Variants in PRR5L observed in about 807,000 individuals in gnomAD.
PRR5L encodes the protein proline rich 5 like.
Under a neutral mutation model 36.4 loss-of-function variants are expected in PRR5L, and 21 were observed. The observed-to-expected ratio is 0.58, with a 90% CI of 0.41 to 0.83. The LOEUF is 0.83. Ranked by LOEUF, PRR5L falls within the 40% of genes least tolerant of loss-of-function variation. The pLI is 0.00. For synonymous variants in PRR5L, 188 were observed against 197.0 expected (o/e 0.95, Z 0.38); for missense variants, 381 against 473.3 (o/e 0.80, Z 1.81).
At chr11:36,367,822 C>T (rs918785150) in intron 1 of PRR5L, among the ~76,000 whole-genome samples, 4 of 150,764 alleles carry the variant, frequency 2.7e-5, no homozygotes, top group Admixed American at 1.3e-4. Context: ...ATGAGGTAAA[C>T]AAAAAAAGGG....
At chr11:36,337,495 A>G (rs1171350908) in intron 1 of PRR5L, among the ~76,000 whole-genome samples, 1 of 152,244 alleles carries the variant, frequency 6.6e-6, no homozygotes, top group Non-Finnish European at 1.5e-5. Flanking sequence ...ATTCTGTTAC[A>G]GCATTCCAAA....
intron 3 of PRR5L, among the ~76,000 whole-genome samples, chr11:36,411,469 C>G (rs1299761591): frequency 6.6e-6 from 1 of 152,048 alleles, no homozygotes; most frequent in African/African-American, 2.4e-5. Context: ...CATTTTTTCC[C>G]CCTGTTATGG....
intron 1 of PRR5L, among the ~76,000 whole-genome samples, chr11:36,345,251 C>G (rs1856853251): frequency 6.6e-6 from 1 of 152,010 alleles, no homozygotes; most frequent in Admixed American, 6.5e-5. Flanking sequence ...CCAAGGAAGT[C>G]CTTTGGAACA....
intron 4 of PRR5L, among the ~76,000 whole-genome samples, chr11:36,426,323 TCTTTGTTAGAACACTTA>T (rs1270351269): frequency 1.3e-5 from 2 of 149,464 alleles, no homozygotes; most frequent in African/African-American, 2.4e-5. Flanking sequence ...ACACTTCTAA[TCTTTGTTAGAACACTTA>T]CTTTGTTAGA....
At chr11:36,349,183 T>G (rs1281650662) in intron 1 of PRR5L, among the ~76,000 whole-genome samples, 2 of 150,590 alleles carry the variant, frequency 1.3e-5, no homozygotes, top group Non-Finnish European at 3.0e-5. Context: ...ACTTGGGAGG[T>G]TGAGGCAGGA....
intron 1 of PRR5L, among the ~76,000 whole-genome samples, chr11:36,395,310 G>T (rs958575567): frequency 6.6e-6 from 1 of 152,244 alleles, no homozygotes; most frequent in African/African-American, 2.4e-5. Context: ...AGATGGCCAT[G>T]ACGTGTTATT....
At chr11:36,359,243 A>G (rs1590480885) in intron 1 of PRR5L, among the ~76,000 whole-genome samples, 1 of 152,224 alleles carries the variant, frequency 6.6e-6, no homozygotes, top group East Asian at 1.9e-4. Flanking sequence ...TAATGAGAAT[A>G]GAAGGATGTT....
intron 1 of PRR5L, among the ~76,000 whole-genome samples, chr11:36,364,671 T>C (rs1857126386): frequency 6.6e-6 from 1 of 152,190 alleles, no homozygotes; most frequent in Admixed American, 6.5e-5. Context: ...AGCTACAAGC[T>C]GCCCAAAGCT....
At chr11:36,311,783 C>A (rs927484082) in intron 1 of PRR5L, among the ~76,000 whole-genome samples, 9 of 152,128 alleles carry the variant, frequency 5.9e-5, no homozygotes, top group Non-Finnish European at 1.3e-4. Flanking sequence ...CTATCTTTCT[C>A]CTCTCTGAGC....
At chr11:36,325,035 T>G (rs906357575) in intron 1 of PRR5L, among the ~76,000 whole-genome samples, 3 of 152,182 alleles carry the variant, frequency 2.0e-5, no homozygotes, top group African/African-American at 7.2e-5. Context: ...GCTTCCAAAA[T>G]GGCGGCAGGT....
At chr11:36,452,172 C>T (rs1177759448) in intron 8 of PRR5L, among the ~76,000 whole-genome samples, 2 of 152,128 alleles carry the variant, frequency 1.3e-5, no homozygotes, top group Admixed American at 6.5e-5. Context: ...TGGTGCCTGG[C>T]GTATAGTAGG....
intron 6 of PRR5L, among the ~76,000 whole-genome samples, chr11:36,440,738 T>C (rs1858704258): frequency 6.6e-6 from 1 of 152,132 alleles, no homozygotes; most frequent in Non-Finnish European, 1.5e-5. Context: ...CATGGTTCTG[T>C]AGGCTGAACA....
chr11:36,375,792 T>G (rs1857248499), intron 1 of PRR5L, among the ~76,000 whole-genome samples: 1 of 152,342 alleles, frequency 6.6e-6, no homozygotes, highest in South Asian at 2.1e-4. Flanking sequence ...GACCCTCTAA[T>G]TCATGAAACC....
chr11:36,428,372 G>A (rs1167236421), intron 4 of PRR5L, among the ~76,000 whole-genome samples: 2 of 152,214 alleles, frequency 1.3e-5, no homozygotes, highest in Non-Finnish European at 2.9e-5. Context: ...TGCAAGTGGA[G>A]GCCTTCAGAG....
intron 1 of PRR5L, among the ~76,000 whole-genome samples, chr11:36,343,983 G>A (rs1272090894): frequency 2.6e-5 from 4 of 151,850 alleles, no homozygotes; most frequent in African/African-American, 9.7e-5. Flanking sequence ...TTGGGAGGCC[G>A]AGGCGGGTGG....
chr11:36,448,302 C>G (rs1316852068), intron 7 of PRR5L, among the ~76,000 whole-genome samples: 1 of 152,102 alleles, frequency 6.6e-6, no homozygotes, highest in African/African-American at 2.4e-5. Context: ...CATGGGACGG[C>G]CTCAAACTCT....
At chr11:36,374,728 C>T (rs1376526231) in intron 1 of PRR5L, among the ~76,000 whole-genome samples, 1 of 152,174 alleles carries the variant, frequency 6.6e-6, no homozygotes, top group East Asian at 1.9e-4. Context: ...TATGAATTCA[C>T]TAAATCCTCA....
chr11:36,354,496 T>C (rs1049698762), intron 1 of PRR5L, among the ~76,000 whole-genome samples: 12 of 152,242 alleles, frequency 7.9e-5, no homozygotes, highest in African/African-American at 2.9e-4. Context: ...CTAAGCCTGT[T>C]ATTTCCTATA....
intron 1 of PRR5L, among the ~76,000 whole-genome samples, chr11:36,347,594 G>A (rs983378977): frequency 6.6e-6 from 1 of 151,952 alleles, no homozygotes; most frequent in Non-Finnish European, 1.5e-5. Context: ...GTCAAGAGGA[G>A]TGGAGCTTGC....
Sources: allele counts gnomAD v4.1 joint callset (sites outside exome capture counted in the v4.1 genomes callset), GRCh38; gene constraint gnomAD v4.1.1; transcripts MANE v1.5; gene names NCBI Gene and HGNC (gene_info 2026-07-23, HGNC 2026-07-21).